MDN1: variants seen among roughly 807,000 people sequenced by gnomAD.
MDN1 encodes the protein midasin AAA ATPase 1.
Under a neutral mutation model 669.2 loss-of-function variants are expected in MDN1, and 266 were observed. The ratio of observed to expected loss-of-function variants is 0.40; its 90% CI spans 0.36 to 0.44. The LOEUF is 0.44. Among genes scored for constraint, MDN1 ranks in the 20% least tolerant of loss-of-function variants. MDN1 has a pLI of 1.00. For missense variants in MDN1, 5,940 were observed against 6,754.0 expected (o/e 0.88, Z 4.22); for synonymous variants, 2,385 against 2,457.1 (o/e 0.97, Z 0.87).
intron 26 of MDN1, among the ~76,000 whole-genome samples, 178 bp downstream of exon 26, chr6:89,749,045 T>A (rs544756342): frequency 1.3e-5 from 2 of 151,346 alleles, no homozygotes; most frequent in African/African-American, 4.9e-5. Flanking sequence ...GCCAGGAGAG[T>A]AGAGTGAGAC....
intron 22 of MDN1, among the ~76,000 whole-genome samples, chr6:89,752,176 G>C (rs1816989788): frequency 6.6e-6 from 1 of 152,176 alleles, no homozygotes; most frequent in African/African-American, 2.4e-5. Context: ...CTCTTCTAGA[G>C]CATTTGGTCC....
At chr6:89,647,990 T>A (rs966952487) in intron 99 of MDN1, 42 bp downstream of exon 99, 20 of 1,466,660 alleles carry the variant, frequency 1.4e-5, no homozygotes, top group Non-Finnish European at 1.9e-5. Context: ...TACACCAGTT[T>A]AAAAATAACT....
intron 15 of MDN1, among the ~76,000 whole-genome samples, chr6:89,771,215 C>T (rs1236956804): frequency 1.3e-5 from 2 of 152,154 alleles, no homozygotes; most frequent in African/African-American, 4.8e-5. Context: ...AGCTTCATTG[C>T]TATACTAAAA....
At chr6:89,743,045 G>T (rs1816373705) in intron 31 of MDN1, 105 bp downstream of exon 31, 3 of 1,357,958 alleles carry the variant, frequency 2.2e-6, no homozygotes, top group Non-Finnish European at 3.0e-6. Flanking sequence ...TCATGACACG[G>T]CACTGCAGCC....
chr6:89,738,481 T>C (rs1329206320), intron 32 of MDN1, 26 bp from the exon 33 acceptor site: 7 of 1,611,876 alleles, frequency 4.3e-6, no homozygotes, highest in Middle Eastern at 1.6e-4. Context: ...AACTTCAATG[T>C]GAATTTTTAA....
At position 89,710,688 on chromosome 6, in the gene MDN1, A is replaced by G. The variant is rs1302971319; in HGVS notation, c.7758T>C (p.Asn2586=). 21 of 1,567,622 alleles carry G rather than the reference A, an allele frequency of 1.3e-5. No homozygotes were observed. The highest frequency in any genetic ancestry group is 1.7e-5 in the Non-Finnish European group (20 of 1,154,898). The change falls in exon 50 of 102, where the codon AAT becomes AAC. Residue 2586 remains asparagine, a synonymous_variant. Transcript: ENST00000369393. ...VSNVFKILQP[N]TTDEFVIPLD... is the part of the protein sequence containing the mutation. ...GAAATCAAAAGTGCATACCTGTTGT[A>G]TTTGGTTGTAATATTTTGAAAACAT...
chr6:89,742,640 C>A (rs1246804634), intron 31 of MDN1, among the ~76,000 whole-genome samples: 44 of 152,032 alleles, frequency 2.9e-4, no homozygotes, highest in African/African-American at 2.4e-5. Flanking sequence ...GTAAACTATA[C>A]CTCAAAAGAA....
rs1037949179 is a variant in MDN1 at position 89,658,172 on chromosome 6, AGAGGC to A, written c.15183+32_15183+36del. ...CGGACAGGGAGAAGAGACCCTACTA[AGAGGC>A]AGCTGGCGGCTGCAGTGAAACCACT... On this transcript the variant is annotated intron_variant, in intron 90 of 101. Coordinates refer to ENST00000369393, the MANE Select transcript of MDN1 (RefSeq NM_014611.3). 5.6e-6 allele frequency: 9 copies of A among 1,611,786 alleles called. No homozygotes were observed. In the African/African-American group the frequency reaches 1.2e-4, roughly 22 times the overall value.
At chr6:89,718,235 C>T in intron 43 of MDN1, 131 bp downstream of exon 43, 1 of 1,071,986 alleles carries the variant, frequency 9.3e-7, no homozygotes, top group African/African-American at 1.6e-5. Context: ...CTTTCTAGGT[C>T]AAACTTTCCC....
intron 25 of MDN1, 27 bp from the exon 26 acceptor site, chr6:89,749,396 T>A (rs1310551990): frequency 6.2e-7 from 1 of 1,608,230 alleles, no homozygotes; most frequent in Non-Finnish European, 8.5e-7. Context: ...AAGAATGCAG[T>A]AAAAGGTGCC....
At position 89,750,468 on chromosome 6, in the gene MDN1, C is replaced by T; in HGVS notation, c.3292G>A (p.Ala1098Thr). Residue 1098 changes from alanine (A) to threonine (T), a missense_variant, in exon 24 of 102, where the codon GCT (alanine) becomes ACT (threonine). Physicochemically the swap from Ala to Thr is moderately conservative, Grantham distance 58. Around this residue, in one of 5 missense-constraint regions of MDN1, gnomAD observed 2,292 missense variants for 2,638.3 expected, o/e 0.87. Transcript: ENST00000369393. ...VGKTSLIQWLAAATGNHCVRI... is the reference protein window; with the variant it reads ...VGKTSLIQWLTAATGNHCVRI... ...ACACAGTGGTTGCCAGTAGCTGCAG[C>T]CAGCCACTGGATCAGGCTTGTTTTA... The T allele has an allele frequency of 6.2e-7, 1 of 1,613,900 alleles. No homozygotes were observed. The highest frequency in any genetic ancestry group is 8.5e-7 in the Non-Finnish European group (1 of 1,179,816).
intron 1 of MDN1, among the ~76,000 whole-genome samples, chr6:89,805,893 C>T (rs1295548283): frequency 6.6e-6 from 1 of 152,140 alleles, no homozygotes; most frequent in South Asian, 2.1e-4. Flanking sequence ...CAAAATCTCA[C>T]ATTTTCAACT....
intron 62 of MDN1, 48 bp from the exon 63 acceptor site, chr6:89,693,196 G>A: frequency 1.5e-6 from 2 of 1,364,178 alleles, no homozygotes; most frequent in Non-Finnish European, 2.0e-6. Flanking sequence ...AAGAAGAGCA[G>A]CAAATCTAGA....
chr6:89,781,274 C>T (rs1361563224), intron 10 of MDN1, 125 bp downstream of exon 10: 1 of 844,106 alleles, frequency 1.2e-6, no homozygotes, highest in South Asian at 1.5e-5. Flanking sequence ...AACTTTGAAC[C>T]TAGGAGGCGG....
At chr6:89,810,257 G>T (rs1768321913) in intron 1 of MDN1, among the ~76,000 whole-genome samples, 1 of 151,804 alleles carries the variant, frequency 6.6e-6, no homozygotes, top group African/African-American at 2.4e-5. Context: ...GCAATACGGT[G>T]AAACCCCGTC....
rs369156050 is a variant in MDN1, at chr6:89,674,287, T to C, written c.13064A>G (p.Asn4355Ser). 43 of 1,614,112 alleles carry C rather than the reference T, an allele frequency of 2.7e-5. No homozygotes were observed. The Middle Eastern group carries it at 4.9e-4, about 19-fold the overall frequency. ...AGGTATTGGAGATGGGTAGCTCAGA[T>C]TGGAAGGAATTAGGTCCAGCACTAC... ...CGVVLDLIPS[N>S]LSYPSPIPGS... The change falls in exon 79 of 102, where the codon AAT becomes AGT. Residue 4355 changes from asparagine (N) to serine (S), a missense_variant. Around this residue, in one of 5 missense-constraint regions of MDN1, gnomAD observed 2,280 missense variants for 2,576.3 expected, o/e 0.88. Coordinates refer to ENST00000369393, the MANE Select transcript of MDN1 (RefSeq NM_014611.3).
intron 26 of MDN1, among the ~76,000 whole-genome samples, chr6:89,748,714 T>C (rs1816792740): frequency 6.8e-6 from 1 of 147,730 alleles, no homozygotes; most frequent in East Asian, 1.9e-4. Context: ...AAATTGTTGA[T>C]TGATTAAAAA....
chr6:89,751,627 C>G (rs775478634), intron 22 of MDN1, 45 bp from the exon 23 acceptor site: 5 of 1,582,528 alleles, frequency 3.2e-6, no homozygotes, highest in Non-Finnish European at 4.3e-6. Flanking sequence ...GTTGTACATT[C>G]TTTCAGAGAA....
chr6:89,744,534 C>T (rs1311595631), intron 29 of MDN1, among the ~76,000 whole-genome samples: 3 of 152,076 alleles, frequency 2.0e-5, no homozygotes, highest in African/African-American at 7.2e-5. Flanking sequence ...TCCTGACTAG[C>T]TAGGACTACA....
Sources: allele counts gnomAD v4.1 joint callset (sites outside exome capture counted in the v4.1 genomes callset), GRCh38; gene constraint gnomAD v4.1.1; regional missense constraint gnomAD v4.1.1; transcripts MANE v1.5; gene names NCBI Gene and HGNC (gene_info 2026-07-23, HGNC 2026-07-21).